Variants in SMARCC1 observed in about 807,000 individuals in gnomAD.
The protein encoded by SMARCC1 is SWI/SNF related BAF chromatin remodeling complex subunit C1.
A neutral mutation model predicts 147.4 loss-of-function variants in SMARCC1; 43 were observed. The observed-to-expected ratio is 0.29, with a 90% CI of 0.23 to 0.38. SMARCC1 has a LOEUF of 0.38. Among genes scored for constraint, SMARCC1 ranks in the 10% least tolerant of loss-of-function variants. The pLI, the probability that SMARCC1 is intolerant of heterozygous loss-of-function variation, is 1.00. For missense variants in SMARCC1, 1,119 were observed against 1,381.1 expected, an observed-to-expected ratio of 0.81 and a Z score of 3.01; for synonymous variants, 495 against 484.4, an observed-to-expected ratio of 1.02 and a Z score of -0.29.
intron 1 of SMARCC1, among the ~76,000 whole-genome samples, chr3:47,774,784 G>A (rs1213744463): frequency 6.6e-6 from 1 of 151,648 alleles, no homozygotes; most frequent in East Asian, 1.9e-4. Context: ...ACAAAAACTA[G>A]CAAGCCTAGT....
At chr3:47,590,526 T>G in intron 27 of SMARCC1, 135 bp downstream of exon 27, 1 of 681,686 alleles carries the variant, frequency 1.5e-6, no homozygotes, top group Non-Finnish European at 2.2e-6. Context: ...AAACTGGTCT[T>G]TGAGAAGCCA....
At chr3:47,634,967 AAATGGTATAATG>A (rs1345084689) in intron 24 of SMARCC1, among the ~76,000 whole-genome samples, 1 of 152,244 alleles carries the variant, frequency 6.6e-6, no homozygotes, top group African/African-American at 2.4e-5. Flanking sequence ...TTACAAGGCT[AAATGGTATAATG>A]AATGGAATGA....
At chr3:47,722,939 G>T (rs1339902323) in intron 6 of SMARCC1, among the ~76,000 whole-genome samples, 1 of 152,222 alleles carries the variant, frequency 6.6e-6, no homozygotes, top group Non-Finnish European at 1.5e-5. Flanking sequence ...ACAGGGCAGA[G>T]TAACAGTTTA....
At position 47,748,513 on chromosome 3, in the gene SMARCC1, C is replaced by T. The variant is rs541526190; in HGVS notation, c.316-2520G>A. On this transcript the variant is annotated intron_variant, in intron 2 of 27. Transcript: ENST00000254480. ...TGCTGGGATTACAGGCATGAGCCAC[C>T]GCACCCGGCCTATTATAATATTTAA... Among the ~76,000 whole-genome samples, 7 of 121,566 alleles carry T rather than the reference C, an allele frequency of 5.8e-5. 1 individual carries two copies. The highest frequency in any genetic ancestry group is 6.2e-4 in the South Asian group (2 of 3,252). 79.8% of individuals were successfully genotyped at this position (121,566 alleles called of 152,430 possible). A position where few individuals can be genotyped will look rare whatever the true frequency, so the allele number is the denominator to read the frequency against.
chr3:47,735,040 C>T (rs1576426144), intron 5 of SMARCC1, among the ~76,000 whole-genome samples: 2 of 152,170 alleles, frequency 1.3e-5, no homozygotes, highest in East Asian at 3.9e-4. Flanking sequence ...CAGGCGTGAG[C>T]CACCACGCCC....
chr3:47,627,337 G>A (rs2032824190), intron 24 of SMARCC1, among the ~76,000 whole-genome samples: 1 of 151,836 alleles, frequency 6.6e-6, no homozygotes, highest in Non-Finnish European at 1.5e-5. Context: ...GAAATAGAAA[G>A]GGTAATTAAT....
chr3:47,607,989 C>T (rs966056929), intron 26 of SMARCC1, among the ~76,000 whole-genome samples: 1 of 152,126 alleles, frequency 6.6e-6, no homozygotes. Context: ...AAACCCTTTG[C>T]TGGTCACCTT....
At chr3:47,663,950 T>C in intron 19 of SMARCC1, 1 of 1,331,608 alleles carries the variant, frequency 7.5e-7, no homozygotes, top group Non-Finnish European at 1.1e-6. Context: ...GGGTCTGGCT[T>C]TGAAAGCTCC....
intron 24 of SMARCC1, among the ~76,000 whole-genome samples, chr3:47,632,756 G>A (rs2032909882): frequency 6.6e-6 from 1 of 152,134 alleles, no homozygotes; most frequent in Non-Finnish European, 1.5e-5. Context: ...CTGTTTGGCA[G>A]AACTACAAGA....
chr3:47,610,798 T>C (rs993071173), intron 25 of SMARCC1: 4 of 173,662 alleles, frequency 2.3e-5, no homozygotes, highest in Non-Finnish European at 5.1e-5. Context: ...TCATGGTTAC[T>C]GTCTATTTTA....
intron 25 of SMARCC1, among the ~76,000 whole-genome samples, chr3:47,617,515 C>T (rs371123526): frequency 1.8e-4 from 27 of 152,328 alleles, no homozygotes; most frequent in African/African-American, 6.3e-4. Flanking sequence ...TAACGGGAGG[C>T]ATATATTTAC....
chr3:47,592,049 T>G (rs759931873), intron 26 of SMARCC1, among the ~76,000 whole-genome samples: 1 of 152,190 alleles, frequency 6.6e-6, no homozygotes, highest in African/African-American at 2.4e-5. Context: ...CCAAGACAGC[T>G]AGAAATAAGA....
At chr3:47,597,793 T>C (rs552675902) in intron 26 of SMARCC1, among the ~76,000 whole-genome samples, 9 of 152,222 alleles carry the variant, frequency 5.9e-5, no homozygotes, top group Admixed American at 2.0e-4. Flanking sequence ...ATCCTCGGGA[T>C]TGGAGACAGA....
intron 19 of SMARCC1, among the ~76,000 whole-genome samples, chr3:47,669,287 C>G (rs1382092743): frequency 6.6e-6 from 1 of 152,132 alleles, no homozygotes; most frequent in African/African-American, 2.4e-5. Context: ...ACCTACTAAT[C>G]TTAAATGTGA....
chr3:47,756,363 G>A (rs958060549), intron 2 of SMARCC1, among the ~76,000 whole-genome samples: 6 of 151,376 alleles, frequency 4.0e-5, no homozygotes, highest in East Asian at 2.0e-4. Context: ...GAGAAACCCC[G>A]TCTCTACTAA....
At chr3:47,609,828 T>G (rs2032537026) in intron 26 of SMARCC1, among the ~76,000 whole-genome samples, 1 of 152,176 alleles carries the variant, frequency 6.6e-6, no homozygotes, top group Admixed American at 6.6e-5. Context: ...TCTGAGATAT[T>G]ACTGTCCAAT....
chr3:47,641,717 T>C (rs1370578631), intron 21 of SMARCC1, among the ~76,000 whole-genome samples: 3 of 152,182 alleles, frequency 2.0e-5, no homozygotes, highest in South Asian at 4.1e-4. Flanking sequence ...AATGTTATCT[T>C]AAACAAGACA....
intron 11 of SMARCC1, among the ~76,000 whole-genome samples, chr3:47,696,453 T>C (rs2033854058): frequency 6.6e-6 from 1 of 151,916 alleles, no homozygotes; most frequent in South Asian, 2.1e-4. Context: ...ACATATGTCC[T>C]TTTCAAGTAG....
At chr3:47,686,540 T>A (rs1429615852) in intron 13 of SMARCC1, among the ~76,000 whole-genome samples, 1 of 152,254 alleles carries the variant, frequency 6.6e-6, no homozygotes, top group Non-Finnish European at 1.5e-5. Flanking sequence ...CCAGTTTTAC[T>A]TAATCTGAAG....
Sources: allele counts gnomAD v4.1 joint callset (sites outside exome capture counted in the v4.1 genomes callset), GRCh38; gene constraint gnomAD v4.1.1; transcripts MANE v1.5; gene names NCBI Gene and HGNC (gene_info 2026-07-23, HGNC 2026-07-21).